CREB3L2: variants seen among roughly 807,000 people sequenced by gnomAD.
The protein encoded by CREB3L2 is cAMP responsive element binding protein 3 like 2, also known as cyclic AMP-responsive element-binding protein 3-like protein 2.
A neutral mutation model predicts 57.2 loss-of-function variants in CREB3L2; 23 were observed. The observed-to-expected ratio is 0.40, with a 90% CI of 0.29 to 0.57. The LOEUF (loss-of-function observed/expected upper bound fraction) is 0.57. Among genes scored for constraint, CREB3L2 ranks in the 20% least tolerant of loss-of-function variants. The pLI is 0.42. For synonymous variants in CREB3L2, 268 were observed against 265.1 expected, an observed-to-expected ratio of 1.01 and a Z score of -0.11; for missense variants, 628 against 634.7, an observed-to-expected ratio of 0.99 and a Z score of 0.11.
rs752547612 is a variant in CREB3L2 at position 138,001,521 on chromosome 7, G to A, written c.102+83C>T. On this transcript the variant is annotated intron_variant, in intron 1 of 11. Coordinates refer to ENST00000330387, the MANE Select transcript of CREB3L2 (RefSeq NM_194071.4). This position sits in a 1 kb window ranked among gnomAD's most constrained non-coding sequence, Gnocchi z 4.2. ...GCCCTGCCCCAAACCCTGCCTTCCC[G>A]GGTCCCAGGACTCCAGCTGCTCCTC... 129 of 1,032,582 alleles carry A rather than the reference G, an allele frequency of 1.2e-4. No individual in the cohort carries two copies. The highest frequency in any genetic ancestry group is 1.7e-4 in the Non-Finnish European group (120 of 696,666). 64.0% of individuals were successfully genotyped at this position (1,032,582 alleles called of 1,614,324 possible). A position where few individuals can be genotyped will look rare whatever the true frequency, so the allele number is the denominator to read the frequency against.
chr7:137,947,991 A>T (rs1383466006), intron 1 of CREB3L2, among the ~76,000 whole-genome samples: 2 of 152,078 alleles, frequency 1.3e-5, no homozygotes, highest in Non-Finnish European at 2.9e-5. Flanking sequence ...GCCACTCTGC[A>T]GCTACCCCAC....
In CREB3L2 at chr7:138,001,668, T is replaced by G. The variant is rs1203661230; in HGVS notation, c.38A>C (p.Gln13Pro). 1 of 1,612,950 alleles carries G rather than the reference T, an allele frequency of 6.2e-7. No homozygotes were observed. The highest frequency in any genetic ancestry group is 1.1e-5 in the South Asian group (1 of 91,004). Reference protein sequence around the residue: ...VLESGEQGVLQWDRKLSELSE... With the variant: ...VLESGEQGVLPWDRKLSELSE... ...CAGCTCGCTCAGCTTGCGGTCCCAC[T>G]GCAGCACGCCCTGCTCCCCGCTCTC... The change falls in exon 1 of 12, where the codon CAG becomes CCG. Residue 13 changes from glutamine (Q) to proline (P), a missense_variant. Physicochemically the swap from Gln to Pro is moderately conservative, Grantham distance 76. Coordinates refer to ENST00000330387, the MANE Select transcript of CREB3L2 (RefSeq NM_194071.4). The surrounding 1 kb of genome is among the most constrained non-coding windows in gnomAD (Gnocchi z 4.2).
chr7:137,994,124 TC>T (rs1329898951), intron 1 of CREB3L2, among the ~76,000 whole-genome samples: 2 of 152,176 alleles, frequency 1.3e-5, no homozygotes, highest in African/African-American at 4.8e-5. Flanking sequence ...AGGGCAGCAC[TC>T]CCTCACTCAT....
rs1799395884 is a variant in CREB3L2, at chr7:137,885,420, T to C, written c.1126A>G (p.Thr376Ala). 1 of 1,613,954 alleles carries C rather than the reference T, an allele frequency of 6.2e-7. No individual in the cohort carries two copies. Among genetic ancestry groups the C allele is most frequent in the Non-Finnish European group, 8.5e-7 (1 of 1,179,958 alleles). ...AAGCTCACCATGAGGCAGGTGCCAG[T>C]CTGCGTGCCAGCTAACTTGCAGGTT... Reference protein sequence around the residue: ...SRTCKLAGTQTGTCLMVVVLC... With the variant: ...SRTCKLAGTQAGTCLMVVVLC... Residue 376 changes from threonine to alanine, a missense_variant, in exon 9 of 12, where the codon ACT (threonine) becomes GCT (alanine). Physicochemically the swap from Thr to Ala is moderately conservative, Grantham distance 58 (BLOSUM62 0). Coordinates refer to ENST00000330387, the MANE Select transcript of CREB3L2 (RefSeq NM_194071.4).
chr7:137,996,185 T>A (rs1157482269), intron 1 of CREB3L2, among the ~76,000 whole-genome samples: 3 of 152,224 alleles, frequency 2.0e-5, no homozygotes, highest in Non-Finnish European at 4.4e-5. Flanking sequence ...TATTGTTAAA[T>A]ATAAATGCCC....
At chr7:137,937,399 A>G (rs1221081792) in intron 1 of CREB3L2, among the ~76,000 whole-genome samples, 1 of 151,578 alleles carries the variant, frequency 6.6e-6, no homozygotes, top group East Asian at 1.9e-4. Flanking sequence ...CCCCTAGGCC[A>G]CCCTCCCTCC....
intron 1 of CREB3L2, among the ~76,000 whole-genome samples, chr7:137,978,980 C>T (rs915479662): frequency 6.6e-6 from 1 of 152,136 alleles, no homozygotes; most frequent in African/African-American, 2.4e-5. Flanking sequence ...GATCTGAGAA[C>T]TTGGAAGCTG....
chr7:137,904,814 G>C (rs1799847437), intron 6 of CREB3L2, among the ~76,000 whole-genome samples: 1 of 150,614 alleles, frequency 6.6e-6, no homozygotes. Context: ...ACTCCAGCCT[G>C]GGTGACAGAG....
intron 2 of CREB3L2, chr7:137,922,582 C>A (rs1235680519): frequency 2.3e-6 from 1 of 431,880 alleles, no homozygotes; most frequent in Admixed American, 2.4e-5. Context: ...TGACGTACTA[C>A]CACTTACATG....
rs1394733086 is a variant in CREB3L2 at position 137,876,125 on chromosome 7, C to T, written c.*4351G>A. On this transcript the variant is annotated 3_prime_UTR_variant, in exon 12 of 12. Coordinates refer to ENST00000330387, the MANE Select transcript of CREB3L2 (RefSeq NM_194071.4). ...TAATGGACGTAACCCTATTTCTTTT[C>T]TCCTGATGTGCAAATCTGATAGTGG... The T allele has an allele frequency of 4.3e-6, 1 of 232,456 alleles. No individual in the cohort carries two copies. Among genetic ancestry groups the T allele is most frequent in the Admixed American group, 5.6e-5 (1 of 17,748 alleles). 14.4% of individuals were successfully genotyped at this position (232,456 alleles called of 1,614,324 possible).
At chr7:137,905,287 A>T (rs889376612) in intron 6 of CREB3L2, among the ~76,000 whole-genome samples, 2 of 148,258 alleles carry the variant, frequency 1.3e-5, no homozygotes, top group African/African-American at 4.9e-5. Context: ...TATATATATA[A>T]TATATATATA....
intron 3 of CREB3L2, among the ~76,000 whole-genome samples, chr7:137,915,011 G>C (rs979840600): frequency 5.9e-5 from 9 of 152,108 alleles, no homozygotes; most frequent in African/African-American, 2.2e-4. Flanking sequence ...ATAGGCATGA[G>C]CCACCGTGCC....
rs567445758 is a variant in CREB3L2, at chr7:137,984,226, G to A, written c.102+17378C>T. ...TGACCACTCAATATCCATCCTACCC[G>A]TCTTCCTTACTATCAGACACCAATT... is the stretch of plus-strand genomic sequence containing the variant. On this transcript the variant is annotated intron_variant, in intron 1 of 11. Transcript: ENST00000330387. Among the ~76,000 whole-genome samples, 9 of 152,300 alleles carry A rather than the reference G, an allele frequency of 5.9e-5. No homozygotes were observed. In the East Asian group the frequency reaches 1.2e-3, roughly 20 times the overall value.
intron 8 of CREB3L2, among the ~76,000 whole-genome samples, chr7:137,894,367 G>A (rs1213007601): frequency 6.6e-6 from 1 of 152,124 alleles, no homozygotes; most frequent in Non-Finnish European, 1.5e-5. Context: ...AGAATCCTTT[G>A]TCTTTGACCC....
chr7:137,882,440 A>G lies in CREB3L2; in HGVS notation c.1459T>C (p.Ser487Pro). 3 of 1,613,714 alleles carry G rather than the reference A, an allele frequency of 1.9e-6. No homozygotes were observed. The highest frequency in any genetic ancestry group is 2.5e-6 in the Non-Finnish European group (3 of 1,179,762). ...IISNETSLEK[S>P]VLLELQQHLV... is the part of the protein sequence containing the mutation. Reference sequence around the variant, plus strand: ...TGCTGCTGCAGCTCCAAAAGCACTGACTTCTCCAGGCTGGTCTCATTCGAG... The same window carrying G: ...TGCTGCTGCAGCTCCAAAAGCACTGGCTTCTCCAGGCTGGTCTCATTCGAG... Residue 487 changes from serine (S) to proline (P), a missense_variant, in exon 11 of 12, where the codon TCA (serine) becomes CCA (proline). Ser to Pro is a moderately conservative substitution (Grantham distance 74). Coordinates refer to ENST00000330387, the MANE Select transcript of CREB3L2 (RefSeq NM_194071.4).
intron 1 of CREB3L2, among the ~76,000 whole-genome samples, chr7:137,937,967 T>C (rs1003185199): frequency 3.3e-5 from 5 of 152,146 alleles, no homozygotes; most frequent in Non-Finnish European, 7.4e-5. Flanking sequence ...GGAAACCTAT[T>C]ATAAATCCAT....
At chr7:137,984,586 G>A (rs1801763666) in intron 1 of CREB3L2, among the ~76,000 whole-genome samples, 1 of 152,160 alleles carries the variant, frequency 6.6e-6, no homozygotes, top group Non-Finnish European at 1.5e-5. Context: ...AGATAAATAG[G>A]CCCTTACATG....
intron 3 of CREB3L2, among the ~76,000 whole-genome samples, chr7:137,915,023 G>T (rs756883275): frequency 6.6e-6 from 1 of 152,046 alleles, no homozygotes; most frequent in Non-Finnish European, 1.5e-5. Flanking sequence ...CACCGTGCCC[G>T]GCTGCAGATA....
chr7:137,888,562 C>T (rs1006145023), intron 8 of CREB3L2, among the ~76,000 whole-genome samples: 23 of 152,090 alleles, frequency 1.5e-4, no homozygotes, highest in Admixed American at 1.0e-3. Flanking sequence ...ACCTGTAATG[C>T]CAGCCCCAAA....
Sources: allele counts gnomAD v4.1 joint callset (sites outside exome capture counted in the v4.1 genomes callset), GRCh38; gene constraint gnomAD v4.1.1; non-coding constraint Gnocchi (gnomAD v3.1); transcripts MANE v1.5; gene names NCBI Gene and HGNC (gene_info 2026-07-23, HGNC 2026-07-21).